The following SHMT1 variants were observed in gnomAD, a reference collection of about 807,000 sequenced individuals.
The protein encoded by SHMT1 is serine hydroxymethyltransferase, cytosolic.
A neutral mutation model predicts 49.0 loss-of-function variants in SHMT1; 45 were observed. That is an observed-to-expected ratio of 0.92 (90% confidence interval 0.72 to 1.18). The LOEUF is 1.18. SHMT1 is among the 50% of genes most tolerant of loss of function. The probability of loss-of-function intolerance (pLI) is 0.00; values close to 1 mark genes in which losing one functional copy is unlikely to be tolerated. For synonymous variants in SHMT1, 232 were observed against 246.6 expected (o/e 0.94, Z 0.55); for missense variants, 541 against 612.4 (o/e 0.88, Z 1.23).
At chr17:18,349,158 G>A (rs1361064326) in intron 3 of SHMT1, among the ~76,000 whole-genome samples, 5 of 151,990 alleles carry the variant, frequency 3.3e-5, no homozygotes, top group South Asian at 2.1e-4. Context: ...GGTGGCTCAC[G>A]CCTGTAATCC....
intron 3 of SHMT1, among the ~76,000 whole-genome samples, chr17:18,350,648 C>T (rs924139626): frequency 3.3e-5 from 5 of 152,016 alleles, no homozygotes; most frequent in African/African-American, 1.2e-4. Context: ...CATTTATTCA[C>T]ACATACATAA....
chr17:18,360,998 C>T (rs1986704994), intron 1 of SHMT1, among the ~76,000 whole-genome samples: 1 of 152,026 alleles, frequency 6.6e-6, no homozygotes, highest in Admixed American at 6.6e-5. Flanking sequence ...GGTGAAACCC[C>T]ATCTCTACTA....
intron 3 of SHMT1, among the ~76,000 whole-genome samples, chr17:18,352,503 C>T (rs1476229406): frequency 2.6e-5 from 4 of 151,928 alleles, no homozygotes; most frequent in East Asian, 3.9e-4. Flanking sequence ...CTGTGAGAAT[C>T]GAATGAAATA....
intron 3 of SHMT1, chr17:18,348,731 T>C (rs1165406511): frequency 9.3e-6 from 5 of 538,792 alleles, no homozygotes; most frequent in Admixed American, 1.9e-5. Context: ...TCCCAGCACT[T>C]TGAGGAGCCA....
rs1198716150 is a variant in SHMT1, at chr17:18,359,664, AAGGCC to A, written c.-19-3669_-19-3665del. On this transcript the variant is annotated intron_variant, in intron 1 of 11. Transcript: ENST00000316694. ...GAGACTGTGTCTCAATAAAAAAAAA[AAGGCC>A]AGGTGCAGTGGTTCACGCCTGTAAT... Among the ~76,000 whole-genome samples, 679 of 151,224 alleles carry A rather than the reference AAGGCC, an allele frequency of 4.5e-3. 2 individuals are homozygous for A. Among genetic ancestry groups the A allele is most frequent in the African/African-American group, 0.015 (633 of 41,180 alleles).
rs191890817 is a variant in SHMT1 at position 18,343,586 on chromosome 17, C to G, written c.520-2773G>C. Among the ~76,000 whole-genome samples the G allele has an allele frequency of 1.8e-3, 168 of 91,788 alleles. 1 individual carries two copies. In the Middle Eastern group the frequency reaches 0.053, roughly 29 times the overall value. The allele number at this position is 91,788 out of a possible 152,430, so 60.2% of individuals were successfully genotyped here. On this transcript the variant is annotated intron_variant, in intron 5 of 11. Coordinates refer to ENST00000316694, the MANE Select transcript of SHMT1 (RefSeq NM_004169.5). ...TCGTGCCACTGCACTCCAGCCTGGG[C>G]GACAAGAGGGAAACTTTGTCTCAAA...
chr17:18,346,242 T>C (rs917450510), intron 5 of SHMT1, among the ~76,000 whole-genome samples: 1 of 151,822 alleles, frequency 6.6e-6, no homozygotes, highest in Non-Finnish European at 1.5e-5. Context: ...GTAACAAACA[T>C]GAAACTAAGC....
rs575967616 is a variant in SHMT1 at position 18,330,531 on chromosome 17, G to A, written c.1171+24C>T. The stretch of plus-strand genomic sequence containing the variant: ...GAAATGCAGATGGGAGAGGAGTGAA[G>A]GAGAAGGCAAGGATGATTCTCACCT... On this transcript the variant is annotated intron_variant, in intron 10 of 11. Transcript: ENST00000316694. 3 of 1,486,750 alleles carry A rather than the reference G, an allele frequency of 2.0e-6. No individual in the cohort carries two copies. In the South Asian group the frequency reaches 3.4e-5, roughly 17 times the overall value. 92.1% of individuals were successfully genotyped at this position (1,486,750 alleles called of 1,614,324 possible).
chr17:18,329,017 G>A (rs1006460447), intron 11 of SHMT1, 98 bp from the exon 12 acceptor site: 14 of 1,483,360 alleles, frequency 9.4e-6, no homozygotes, highest in Middle Eastern at 2.2e-4. Flanking sequence ...TCCCCCAGCT[G>A]GGGAGTGTGG....
chr17:18,355,765 C>G, intron 2 of SHMT1, 121 bp downstream of exon 2: 1 of 718,402 alleles, frequency 1.4e-6, no homozygotes, highest in South Asian at 1.5e-5. Context: ...CTGCCACCAC[C>G]TCTAAATCCA....
At chr17:18,344,878 C>T (rs890051354) in intron 5 of SHMT1, among the ~76,000 whole-genome samples, 3 of 152,138 alleles carry the variant, frequency 2.0e-5, no homozygotes, top group African/African-American at 4.8e-5. Flanking sequence ...CCTGGCCCTG[C>T]GTGGGGCTCT....
In SHMT1 at chr17:18,329,260, C is replaced by G. The variant is rs573426354; in HGVS notation, c.1282+18G>C. On this transcript the variant is annotated intron_variant, in intron 11 of 11. Transcript: ENST00000316694. ...TACACACAATAAGATGTGGCAACTT[C>G]CAAACTTTTATCCTTACCTCTGTGA... is the stretch of plus-strand genomic sequence containing the variant. 6.4e-7 allele frequency: 1 copy of G among 1,572,652 alleles called. No individual in the cohort carries two copies. The highest frequency in any genetic ancestry group is 1.3e-5 in the African/African-American group (1 of 74,098).
intron 3 of SHMT1, chr17:18,348,707 G>T (rs1321164019): frequency 3.5e-6 from 2 of 565,086 alleles, no homozygotes; most frequent in South Asian, 2.8e-5. Flanking sequence ...GGGAGAGGTG[G>T]CTTATACCTA....
At chr17:18,339,960 C>G in intron 7 of SHMT1, 83 bp downstream of exon 7, 1 of 1,387,996 alleles carries the variant, frequency 7.2e-7, no homozygotes, top group South Asian at 1.2e-5. Context: ...AGAGTTTTTC[C>G]CAGCTCCCTC....
intron 7 of SHMT1, 59 bp downstream of exon 7, chr17:18,339,983 AC>A: frequency 8.5e-6 from 13 of 1,534,222 alleles, no homozygotes; most frequent in Non-Finnish European, 1.1e-5. Context: ...CTGAATCTGA[AC>A]CCCCACAGGA....
chr17:18,356,912 C>T (rs1986290772), intron 1 of SHMT1, among the ~76,000 whole-genome samples: 1 of 152,084 alleles, frequency 6.6e-6, no homozygotes, highest in African/African-American at 2.4e-5. Flanking sequence ...CACAACTAAA[C>T]TAAGTTCCTT....
At chr17:18,330,477 A>G in intron 10 of SHMT1, 78 bp downstream of exon 10, 1 of 1,047,782 alleles carries the variant, frequency 9.5e-7, no homozygotes, top group Non-Finnish European at 1.5e-6. Context: ...CGGAGCCAAT[A>G]TATTCATCAG....
rs1986094481 is a variant in SHMT1, at chr17:18,355,049, T to A, written c.96+837A>T. Among the ~76,000 whole-genome samples, 6 of 19,670 alleles carry A rather than the reference T, an allele frequency of 3.1e-4. No homozygotes were observed. The South Asian group carries it at 0.016, about 52-fold the overall frequency. 12.9% of individuals were successfully genotyped at this position (19,670 alleles called of 152,430 possible). ...CTGAGCAACAGAGCAAGACTATATC[T>A]CAAAAAAAAAAAAAAAAAAAAAAAA... On this transcript the variant is annotated intron_variant, in intron 2 of 11. Coordinates refer to ENST00000316694, the MANE Select transcript of SHMT1 (RefSeq NM_004169.5).
intron 3 of SHMT1, among the ~76,000 whole-genome samples, chr17:18,351,780 A>G (rs1985732161): frequency 6.6e-6 from 1 of 151,962 alleles, no homozygotes; most frequent in Non-Finnish European, 1.5e-5. Flanking sequence ...GTAAAAAAAA[A>G]ACAACAAGCC....
Sources: allele counts gnomAD v4.1 joint callset (sites outside exome capture counted in the v4.1 genomes callset), GRCh38; gene constraint gnomAD v4.1.1; transcripts MANE v1.5; gene names NCBI Gene and HGNC (gene_info 2026-07-23, HGNC 2026-07-21).